The following GPC5 variants were observed in gnomAD, a reference collection of about 807,000 sequenced individuals.
The protein encoded by GPC5 is glypican-5.
In GPC5, 47 loss-of-function variants were observed where a neutral mutation model predicts 53.9. That is an observed-to-expected ratio of 0.87 (90% CI 0.69 to 1.11). GPC5 has a LOEUF of 1.11. Among genes scored for constraint, GPC5 ranks in the 50% most tolerant of loss-of-function variants. The pLI is 0.00. For missense variants in GPC5, 748 were observed against 713.1 expected, an observed-to-expected ratio of 1.05 and a Z score of -0.56; for synonymous variants, 286 against 263.3, an observed-to-expected ratio of 1.09 and a Z score of -0.84.
rs555840845 is a variant in GPC5, at chr13:92,064,441, C to T, written c.1402-80389C>T. On this transcript the variant is annotated intron_variant, in intron 6 of 7. Transcript: ENST00000377067. ...AGCGCTGTTACAAAGAAACTTGAAA[C>T]AGGAGAAGCTTAGAGATTTTAAAAC... Among the ~76,000 whole-genome samples, 11 of 152,234 alleles carry T rather than the reference C, an allele frequency of 7.2e-5. No homozygotes were observed. The East Asian group carries it at 2.1e-3, about 29-fold the overall frequency.
At chr13:92,384,497 A>G (rs2043776202) in intron 7 of GPC5, among the ~76,000 whole-genome samples, 1 of 152,194 alleles carries the variant, frequency 6.6e-6, no homozygotes, top group Non-Finnish European at 1.5e-5. Flanking sequence ...CATTTATGTA[A>G]TCAACTTATA....
intron 7 of GPC5, among the ~76,000 whole-genome samples, chr13:92,333,534 G>A (rs774518275): frequency 1.3e-5 from 2 of 151,980 alleles, no homozygotes; most frequent in Non-Finnish European, 2.9e-5. Flanking sequence ...TTATGGGGTG[G>A]TGGTGCTGAG....
At chr13:92,321,572 CAGCCTGGGACAG>C (rs1159652128) in intron 7 of GPC5, among the ~76,000 whole-genome samples, 1 of 152,112 alleles carries the variant, frequency 6.6e-6, no homozygotes. Flanking sequence ...CACTGCACTT[CAGCCTGGGACAG>C]AGCGAGACTC....
chr13:92,038,956 T>C (rs1441320289), intron 6 of GPC5, among the ~76,000 whole-genome samples: 2 of 152,130 alleles, frequency 1.3e-5, no homozygotes, highest in Non-Finnish European at 2.9e-5. Flanking sequence ...TGAAGTCAAA[T>C]GAAGAAAGGA....
At chr13:92,758,470 TATA>T (rs1165193140) in intron 7 of GPC5, among the ~76,000 whole-genome samples, 1 of 152,024 alleles carries the variant, frequency 6.6e-6, no homozygotes. Context: ...AAACTTAAAG[TATA>T]ATAATAATAA....
At chr13:92,774,734 T>C (rs1875737700) in intron 7 of GPC5, among the ~76,000 whole-genome samples, 1 of 152,218 alleles carries the variant, frequency 6.6e-6, no homozygotes, top group Non-Finnish European at 1.5e-5. Context: ...AATGAACTTA[T>C]GAAAGATTCA....
At chr13:92,732,452 A>T (rs1888833603) in intron 7 of GPC5, among the ~76,000 whole-genome samples, 2 of 151,572 alleles carry the variant, frequency 1.3e-5, no homozygotes, top group African/African-American at 4.8e-5. Context: ...GTTAGCCACT[A>T]AATTGTATCC....
chr13:91,595,032 T>TTATTTATG (rs1555328371), intron 2 of GPC5, among the ~76,000 whole-genome samples: 5 of 98,574 alleles, frequency 5.1e-5, no homozygotes, highest in African/African-American at 1.6e-4. Context: ...ATTTATTTAT[T>TTATTTATG]TATTTATTTC....
chr13:91,885,735 A>C (rs1240796638), intron 5 of GPC5, among the ~76,000 whole-genome samples: 1 of 152,110 alleles, frequency 6.6e-6, no homozygotes, highest in African/African-American at 2.4e-5. Flanking sequence ...TTTTCATAGA[A>C]GCCTCATCTC....
intron 5 of GPC5, among the ~76,000 whole-genome samples, chr13:91,788,248 A>G (rs551082722): frequency 6.6e-6 from 1 of 152,298 alleles, no homozygotes; most frequent in South Asian, 2.1e-4. Flanking sequence ...GTATCCTAAC[A>G]TGGGCACGAC....
chr13:92,439,243 T>C (rs1035361716), intron 7 of GPC5, among the ~76,000 whole-genome samples: 2 of 152,116 alleles, frequency 1.3e-5, no homozygotes, highest in Non-Finnish European at 2.9e-5. Context: ...ATTGCAGTTA[T>C]GCAAGAAAAG....
intron 7 of GPC5, among the ~76,000 whole-genome samples, chr13:92,654,961 G>A (rs1415606743): frequency 6.6e-6 from 1 of 152,154 alleles, no homozygotes; most frequent in African/African-American, 2.4e-5. Context: ...GCACATGGAG[G>A]AGATGCGTTT....
intron 1 of GPC5, among the ~76,000 whole-genome samples, chr13:91,439,359 A>T (rs1453863202): frequency 6.6e-6 from 1 of 152,228 alleles, no homozygotes; most frequent in African/African-American, 2.4e-5. Context: ...ATCTAGCCCC[A>T]AGTATAAATA....
intron 7 of GPC5, among the ~76,000 whole-genome samples, chr13:92,453,304 A>G (rs1878138165): frequency 6.6e-6 from 1 of 152,132 alleles, no homozygotes; most frequent in African/African-American, 2.4e-5. Flanking sequence ...ATCATTCCAA[A>G]ATGTTTTCTT....
chr13:92,635,600 A>G (rs1394989443), intron 7 of GPC5, among the ~76,000 whole-genome samples: 1 of 152,178 alleles, frequency 6.6e-6, no homozygotes, highest in Non-Finnish European at 1.5e-5. Context: ...TAAAGGTCCC[A>G]CTTCTCACCA....
At chr13:91,915,907 A>G (rs2039654098) in intron 6 of GPC5, among the ~76,000 whole-genome samples, 1 of 152,204 alleles carries the variant, frequency 6.6e-6, no homozygotes, top group Admixed American at 6.6e-5. Flanking sequence ...GACAATTACT[A>G]GACATAAGTG....
At chr13:91,997,085 A>G (rs2040510457) in intron 6 of GPC5, among the ~76,000 whole-genome samples, 1 of 152,166 alleles carries the variant, frequency 6.6e-6, no homozygotes, top group African/African-American at 2.4e-5. Flanking sequence ...ATGTGAAGAC[A>G]CATTTCTATG....
At chr13:92,026,695 T>C (rs1442246768) in intron 6 of GPC5, among the ~76,000 whole-genome samples, 3 of 151,938 alleles carry the variant, frequency 2.0e-5, no homozygotes, top group African/African-American at 4.8e-5. Context: ...AAAAAGTCTT[T>C]GCTCTTATCA....
At chr13:92,270,850 A>C (rs16947232) in intron 7 of GPC5, among the ~76,000 whole-genome samples, 31,000 of 152,152 alleles carry the variant, frequency 0.2, 3,291 homozygotes, top group South Asian at 0.37. Flanking sequence ...TTACATTTGC[A>C]AAGATAACAG....
Sources: allele counts gnomAD v4.1 joint callset (sites outside exome capture counted in the v4.1 genomes callset), GRCh38; gene constraint gnomAD v4.1.1; transcripts MANE v1.5; gene names NCBI Gene and HGNC (gene_info 2026-07-23, HGNC 2026-07-21).